Variants in PDE11A observed in about 807,000 individuals in gnomAD.
PDE11A encodes the protein dual 3',5'-cyclic-AMP and -GMP phosphodiesterase 11A.
In PDE11A, 100 loss-of-function variants were observed where a neutral mutation model predicts 100.5. The observed-to-expected ratio is 1.00, with a 90% CI of 0.85 to 1.18. The LOEUF is 1.18. Ranked by LOEUF, PDE11A falls within the 50% of genes most tolerant of loss-of-function variation. The pLI is 0.00. For synonymous variants in PDE11A, 381 were observed against 420.8 expected (o/e 0.91, Z 1.16); for missense variants, 1,141 against 1,152.6 (o/e 0.99, Z 0.15).
Position 177,981,043 on chromosome 2 carries a change from T to C in PDE11A, c.1071+33259A>G, listed in dbSNP as rs1266610867. On this transcript the variant is annotated intron_variant, in intron 2 of 19. Coordinates refer to ENST00000286063, the MANE Select transcript of PDE11A (RefSeq NM_016953.4). ...ACAGCAGAAGGTAGAGTTAAACCAA[T>C]CTCAGTTAAAATCCCAGCTCCTTCA... Among the ~76,000 whole-genome samples, 5 of 148,284 alleles carry C rather than the reference T, an allele frequency of 3.4e-5. 1 individual carries two copies. Among genetic ancestry groups the C allele is most frequent in the African/African-American group, 7.4e-5 (3 of 40,732 alleles).
intron 2 of PDE11A, among the ~76,000 whole-genome samples, chr2:177,963,530 A>T (rs2085661217): frequency 2.0e-5 from 3 of 152,200 alleles, no homozygotes; most frequent in Non-Finnish European, 4.4e-5. Flanking sequence ...TGGAGTGAAT[A>T]GATCCACTCT....
At chr2:177,693,194 G>A (rs190338459) in intron 15 of PDE11A, among the ~76,000 whole-genome samples, 3 of 152,090 alleles carry the variant, frequency 2.0e-5, no homozygotes, top group South Asian at 2.1e-4. Flanking sequence ...GTGCCTCAGC[G>A]GTCCTGCGGA....
At chr2:177,840,425 G>GT (rs2083472901) in intron 5 of PDE11A, 42 bp from the exon 6 acceptor site, 5 of 1,599,852 alleles carry the variant, frequency 3.1e-6, no homozygotes, top group South Asian at 1.1e-5. Flanking sequence ...AGAGAGAAAC[G>GT]TAAGTTTTCT....
At chr2:177,762,126 G>A (rs2082178820) in intron 10 of PDE11A, among the ~76,000 whole-genome samples, 2 of 152,152 alleles carry the variant, frequency 1.3e-5, no homozygotes, top group African/African-American at 4.8e-5. Context: ...ATGTTTGGAA[G>A]GCAGAATGGA....
intron 2 of PDE11A, among the ~76,000 whole-genome samples, chr2:178,085,295 C>T (rs577312690): frequency 1.3e-4 from 20 of 152,136 alleles, no homozygotes; most frequent in South Asian, 8.3e-4. Flanking sequence ...CTATGTTATA[C>T]AGGGATAAAA....
intron 5 of PDE11A, among the ~76,000 whole-genome samples, chr2:177,845,690 T>G (rs1574207324): frequency 6.6e-6 from 1 of 150,700 alleles, no homozygotes; most frequent in South Asian, 2.1e-4. Context: ...AGCTGGGAGG[T>G]GGAGGTTGTA....
At chr2:177,825,299 G>A (rs1441952756) in intron 6 of PDE11A, among the ~76,000 whole-genome samples, 1 of 152,216 alleles carries the variant, frequency 6.6e-6, no homozygotes, top group Non-Finnish European at 1.5e-5. Context: ...AGAGAATGCA[G>A]AGGGTGTCTT....
intron 6 of PDE11A, among the ~76,000 whole-genome samples, chr2:177,824,164 G>GT: frequency 6.6e-6 from 1 of 152,252 alleles, no homozygotes; most frequent in Admixed American, 6.5e-5. Context: ...TAACATTGAG[G>GT]TTTCTGGCTT....
chr2:177,998,154 T>G, intron 2 of PDE11A: 1 of 1,002,212 alleles, frequency 1.0e-6, no homozygotes, highest in Non-Finnish European at 1.6e-6. Context: ...TTCCACTTAC[T>G]GTCTGTAAGC....
chr2:178,037,327 T>C (rs1395069568), intron 1 of PDE11A, among the ~76,000 whole-genome samples: 2 of 152,128 alleles, frequency 1.3e-5, no homozygotes, highest in African/African-American at 4.8e-5. Context: ...TGAGATACCA[T>C]CTCATGCCAG....
chr2:177,696,441 A>T (rs1199345870), intron 15 of PDE11A, among the ~76,000 whole-genome samples: 1 of 152,172 alleles, frequency 6.6e-6, no homozygotes, highest in Non-Finnish European at 1.5e-5. Context: ...GTAGAAATTA[A>T]TAATAACTAA....
chr2:178,047,238 G>T (rs1412722843), intron 1 of PDE11A, among the ~76,000 whole-genome samples: 1 of 152,080 alleles, frequency 6.6e-6, no homozygotes, highest in Non-Finnish European at 1.5e-5. Flanking sequence ...AAGGCGGATG[G>T]ATCACTTGAG....
At chr2:177,905,614 A>G (rs1228613946) in intron 2 of PDE11A, among the ~76,000 whole-genome samples, 1 of 152,270 alleles carries the variant, frequency 6.6e-6, no homozygotes, top group African/African-American at 2.4e-5. Context: ...GGCATATGGC[A>G]TATACCATAT....
At chr2:177,792,406 T>C (rs2082645682) in intron 9 of PDE11A, among the ~76,000 whole-genome samples, 1 of 152,230 alleles carries the variant, frequency 6.6e-6, no homozygotes, top group Non-Finnish European at 1.5e-5. Context: ...ACCATACTTC[T>C]GAGTAGCATG....
At chr2:177,928,930 T>A (rs1412965648) in intron 2 of PDE11A, among the ~76,000 whole-genome samples, 1 of 152,180 alleles carries the variant, frequency 6.6e-6, no homozygotes, top group Non-Finnish European at 1.5e-5. Flanking sequence ...GTTTTCAATA[T>A]TTATGTTCCT....
chr2:177,669,224 TA>T (rs778051968), intron 18 of PDE11A, among the ~76,000 whole-genome samples: 5 of 152,310 alleles, frequency 3.3e-5, no homozygotes, highest in Middle Eastern at 3.4e-3. Context: ...GGCTTTGAAT[TA>T]TTCAAACTCC....
intron 5 of PDE11A, among the ~76,000 whole-genome samples, chr2:177,849,337 T>A (rs2083657637): frequency 6.6e-6 from 1 of 152,146 alleles, no homozygotes; most frequent in Non-Finnish European, 1.5e-5. Context: ...AAGCTGGTCT[T>A]TAGAGGATAA....
intron 9 of PDE11A, among the ~76,000 whole-genome samples, chr2:177,771,546 T>C (rs1362491287): frequency 6.6e-6 from 1 of 152,136 alleles, no homozygotes; most frequent in African/African-American, 2.4e-5. Flanking sequence ...TATAACATAA[T>C]ACTACACAGG....
At chr2:177,736,328 AT>A in intron 10 of PDE11A, among the ~76,000 whole-genome samples, 1 of 152,172 alleles carries the variant, frequency 6.6e-6, no homozygotes, top group East Asian at 1.9e-4. Flanking sequence ...CCTGGACAAC[AT>A]GGTGAAACTC....
Sources: gnomAD v4.1 joint callset for allele counts (sites outside exome capture counted in the v4.1 genomes callset) on GRCh38, gnomAD v4.1.1 for gene constraint, MANE v1.5 for transcripts, NCBI Gene and HGNC (gene_info 2026-07-23, HGNC 2026-07-21) for gene names.